CHSY3: variants seen among roughly 807,000 people sequenced by gnomAD.
CHSY3 encodes the protein chondroitin sulfate synthase 3, also known as N-acetylgalactosaminyl-proteoglycan 3-beta-glucuronosyltransferase 3.
CHSY3 carries 35 observed loss-of-function variants against 67.2 expected under a neutral mutation model. The ratio of observed to expected loss-of-function variants is 0.52; its 90% CI spans 0.40 to 0.69. CHSY3 has a LOEUF of 0.69. Among genes scored for constraint, CHSY3 ranks in the 30% least tolerant of loss-of-function variants. CHSY3 has a pLI of 0.00. For missense variants in CHSY3, 1,069 were observed against 1,138.5 expected, an observed-to-expected ratio of 0.94 and a Z score of 0.88; for synonymous variants, 474 against 434.7, an observed-to-expected ratio of 1.09 and a Z score of -1.12.
intron 2 of CHSY3, among the ~76,000 whole-genome samples, chr5:130,181,516 G>C (rs1040582834): frequency 1.3e-5 from 2 of 152,026 alleles, no homozygotes; most frequent in Non-Finnish European, 2.9e-5. Context: ...ATACATGTCA[G>C]AAAAGCATAT....
intron 2 of CHSY3, among the ~76,000 whole-genome samples, chr5:130,164,765 G>A (rs964578786): frequency 2.6e-5 from 4 of 152,118 alleles, no homozygotes; most frequent in African/African-American, 9.7e-5. Context: ...TTGTTAAGAA[G>A]CCAGATGTAT....
intron 2 of CHSY3, among the ~76,000 whole-genome samples, chr5:130,093,216 T>G (rs1196270923): frequency 6.6e-6 from 1 of 152,180 alleles, no homozygotes; most frequent in African/African-American, 2.4e-5. Context: ...GAAAAAGGTA[T>G]GAGTCACTCT....
At chr5:129,997,505 A>G (rs1339759924) in intron 2 of CHSY3, among the ~76,000 whole-genome samples, 1 of 118,814 alleles carries the variant, frequency 8.4e-6, no homozygotes, top group Non-Finnish European at 1.9e-5. Context: ...ATTTAGAAAC[A>G]TTTCACTCTT....
Position 129,962,113 on chromosome 5 carries a change from A to C in CHSY3, c.1086+53753A>C, listed in dbSNP as rs144084902. ...ACCCTCTCAGAAAATTTTCATTATG[A>C]ATTATTTTCTCCTCTCTTCGGTACC... is the stretch of plus-strand genomic sequence containing the variant. On this transcript the variant is annotated intron_variant, in intron 2 of 2. Transcript: ENST00000305031. Among the ~76,000 whole-genome samples, 867 of 151,966 alleles carry C rather than the reference A, an allele frequency of 5.7e-3. 9 individuals carry two copies. The highest frequency in any genetic ancestry group is 0.02 in the African/African-American group (836 of 41,458).
At chr5:129,967,499 G>T (rs144674563) in intron 2 of CHSY3, among the ~76,000 whole-genome samples, 1 of 151,880 alleles carries the variant, frequency 6.6e-6, no homozygotes, top group African/African-American at 2.4e-5. Flanking sequence ...TTATTTAAAA[G>T]ATCTAATATT....
intron 2 of CHSY3, among the ~76,000 whole-genome samples, chr5:130,169,470 A>T (rs1360122961): frequency 6.6e-6 from 1 of 152,238 alleles, no homozygotes; most frequent in East Asian, 1.9e-4. Flanking sequence ...AGCATAAATG[A>T]TGATCACTGG....
chr5:129,920,100 C>A (rs993339232), intron 2 of CHSY3, among the ~76,000 whole-genome samples: 1 of 152,124 alleles, frequency 6.6e-6, no homozygotes, highest in Non-Finnish European at 1.5e-5. Flanking sequence ...TTGTCATCCC[C>A]CTATTTACCC....
At chr5:130,064,722 T>C (rs2149678548) in intron 2 of CHSY3, among the ~76,000 whole-genome samples, 1 of 152,192 alleles carries the variant, frequency 6.6e-6, no homozygotes, top group East Asian at 1.9e-4. Context: ...GCTCCCAGAA[T>C]TCTTCCAAGT....
intron 2 of CHSY3, among the ~76,000 whole-genome samples, chr5:129,950,938 T>C (rs1265942894): frequency 6.6e-6 from 1 of 152,126 alleles, no homozygotes; most frequent in African/African-American, 2.4e-5. Flanking sequence ...AAATCCTGAA[T>C]AGCTAAAACA....
intron 2 of CHSY3, among the ~76,000 whole-genome samples, chr5:130,011,186 G>C (rs999808717): frequency 6.6e-6 from 1 of 152,112 alleles, no homozygotes; most frequent in African/African-American, 2.4e-5. Context: ...GAAAATTTCA[G>C]GCCAGTATCT....
intron 2 of CHSY3, among the ~76,000 whole-genome samples, chr5:130,069,607 T>A (rs1411262812): frequency 3.9e-5 from 6 of 152,158 alleles, no homozygotes; most frequent in Admixed American, 2.0e-4. Flanking sequence ...AAATCTTTGC[T>A]GTCTTAGCTA....
intron 2 of CHSY3, among the ~76,000 whole-genome samples, chr5:130,182,046 T>C (rs1352940811): frequency 1.3e-5 from 2 of 152,012 alleles, no homozygotes; most frequent in Non-Finnish European, 2.9e-5. Context: ...AGAGAATTAC[T>C]GACTCATAGG....
rs187935612 is a variant in CHSY3 at position 129,987,930 on chromosome 5, T to C, written c.1086+79570T>C. Among the ~76,000 whole-genome samples, 3 of 152,328 alleles carry C rather than the reference T, an allele frequency of 2.0e-5. No homozygotes were observed. In the East Asian group the frequency reaches 5.8e-4, roughly 29 times the overall value. On this transcript the variant is annotated intron_variant, in intron 2 of 2. Coordinates refer to ENST00000305031, the MANE Select transcript of CHSY3 (RefSeq NM_175856.5). ...ATGAAGATCATATTATGACTGCCTA[T>C]TTCAAATCATTCTTAAAATCTTTCC...
intron 2 of CHSY3, among the ~76,000 whole-genome samples, chr5:130,148,728 C>T (rs769782778): frequency 1.3e-5 from 2 of 152,072 alleles, no homozygotes; most frequent in African/African-American, 2.4e-5. Context: ...GTTCTTTGCC[C>T]GCTTTTTAAT....
At chr5:130,158,597 C>G (rs1561563186) in intron 2 of CHSY3, among the ~76,000 whole-genome samples, 1 of 152,150 alleles carries the variant, frequency 6.6e-6, no homozygotes, top group Non-Finnish European at 1.5e-5. Flanking sequence ...ATGCTCTGGA[C>G]AGCCTTTGAT....
chr5:130,062,506 A>G (rs979768687), intron 2 of CHSY3, among the ~76,000 whole-genome samples: 3 of 152,162 alleles, frequency 2.0e-5, no homozygotes, highest in Admixed American at 6.6e-5. Context: ...AGTACGCAAT[A>G]TACGCATGTA....
chr5:129,990,201 A>G (rs1763321046), intron 2 of CHSY3, among the ~76,000 whole-genome samples: 1 of 152,186 alleles, frequency 6.6e-6, no homozygotes, highest in South Asian at 2.1e-4. Context: ...ATGTAAAAGA[A>G]TGTCTAAAAA....
chr5:129,905,798 C>T, intron 1 of CHSY3, 167 bp downstream of exon 1: 2 of 1,363,804 alleles, frequency 1.5e-6, no homozygotes, highest in Non-Finnish European at 1.9e-6. Flanking sequence ...GCCCACAATT[C>T]GTAGCCCGTT....
intron 2 of CHSY3, among the ~76,000 whole-genome samples, chr5:130,056,402 G>C (rs1170746041): frequency 6.6e-6 from 1 of 151,798 alleles, no homozygotes; most frequent in Non-Finnish European, 1.5e-5. Flanking sequence ...TTTCTCTTTT[G>C]CTTAAAGAGC....
Sources: allele counts gnomAD v4.1 joint callset (sites outside exome capture counted in the v4.1 genomes callset), GRCh38; gene constraint gnomAD v4.1.1; transcripts MANE v1.5; gene names NCBI Gene and HGNC (gene_info 2026-07-23, HGNC 2026-07-21).